Variants in CHN1 observed in about 807,000 individuals in gnomAD.
The protein encoded by CHN1 is N-chimaerin.
Under a neutral mutation model 59.5 loss-of-function variants are expected in CHN1, and 37 were observed. That is an observed-to-expected ratio of 0.62 (90% CI 0.48 to 0.82). CHN1 has a LOEUF of 0.82. CHN1 is among the 40% of genes least tolerant of loss of function. The probability of loss-of-function intolerance (pLI) is 0.00; values close to 1 mark genes in which losing one functional copy is unlikely to be tolerated. For missense variants in CHN1, 469 were observed against 571.0 expected, an observed-to-expected ratio of 0.82 and a Z score of 1.82; for synonymous variants, 206 against 200.4, an observed-to-expected ratio of 1.03 and a Z score of -0.24.
At chr2:174,810,305 T>C (rs773696549) in intron 10 of CHN1, among the ~76,000 whole-genome samples, 1 of 152,212 alleles carries the variant, frequency 6.6e-6, no homozygotes, top group Non-Finnish European at 1.5e-5. Flanking sequence ...TACACATCCT[T>C]GGGAGGCCAA....
At chr2:174,867,894 T>G (rs1041868529) in intron 6 of CHN1, among the ~76,000 whole-genome samples, 5 of 152,158 alleles carry the variant, frequency 3.3e-5, no homozygotes, top group African/African-American at 1.2e-4. Flanking sequence ...GGGTTAATTT[T>G]TATATTCTTA....
chr2:174,805,832 TCTC>T (rs55792181), intron 11 of CHN1, among the ~76,000 whole-genome samples: 50,252 of 151,848 alleles, frequency 0.33, 9,450 homozygotes, highest in Admixed American at 0.51. Context: ...ACTAACAAGT[TCTC>T]CTTCCCAGGC....
intron 10 of CHN1, among the ~76,000 whole-genome samples, chr2:174,810,543 T>G (rs1256873894): frequency 6.6e-6 from 1 of 152,200 alleles, no homozygotes; most frequent in Non-Finnish European, 1.5e-5. Context: ...ACATGCTCAG[T>G]TGCAGAGCTT....
Position 174,954,344 on chromosome 2 carries a change from G to C in CHN1, c.20-2142C>G, listed in dbSNP as rs544448817. Among the ~76,000 whole-genome samples, 12 of 152,222 alleles carry C rather than the reference G, an allele frequency of 7.9e-5. No homozygotes were observed. The South Asian group carries it at 2.3e-3, about 29-fold the overall frequency. ...AAGACCTGAAATCATAAAAATTCTA[G>C]AAGATAACATTGGAAAACCCCTTCT... On this transcript the variant is annotated intron_variant, in intron 1 of 12. Transcript: ENST00000409900.
At chr2:174,800,757 C>T (rs545666413) in intron 12 of CHN1, among the ~76,000 whole-genome samples, 3 of 152,288 alleles carry the variant, frequency 2.0e-5, no homozygotes, top group South Asian at 2.1e-4. Context: ...TAGGCACCAT[C>T]GTCAGGGAGG....
intron 5 of CHN1, among the ~76,000 whole-genome samples, chr2:174,900,443 A>G (rs1372349590): frequency 6.6e-6 from 1 of 152,058 alleles, no homozygotes; most frequent in African/African-American, 2.4e-5. Context: ...GTTCCAGGCT[A>G]CAGTGAGCTA....
chr2:174,897,508 G>A (rs1688253271), intron 5 of CHN1, among the ~76,000 whole-genome samples: 1 of 120,930 alleles, frequency 8.3e-6, no homozygotes, highest in African/African-American at 3.5e-5. Context: ...TCTATTGGCA[G>A]GATAGTTAAA....
chr2:174,816,259 G>A (rs1381499231), intron 8 of CHN1, among the ~76,000 whole-genome samples: 3 of 152,184 alleles, frequency 2.0e-5, no homozygotes, highest in Non-Finnish European at 1.5e-5. Context: ...CACAAGCTCA[G>A]CAAAGGAGGG....
chr2:174,818,500 T>C (rs1442018465), intron 8 of CHN1, among the ~76,000 whole-genome samples: 1 of 152,182 alleles, frequency 6.6e-6, no homozygotes, highest in African/African-American at 2.4e-5. Flanking sequence ...GTCATATAAC[T>C]CTTATATAGT....
At chr2:175,000,986 T>C (rs1047273465) in intron 1 of CHN1, among the ~76,000 whole-genome samples, 1 of 152,218 alleles carries the variant, frequency 6.6e-6, no homozygotes, top group Non-Finnish European at 1.5e-5. Context: ...GGCACAATCA[T>C]AGTGCAACTA....
intron 5 of CHN1, among the ~76,000 whole-genome samples, chr2:174,899,242 TAGAA>T (rs1182030939): frequency 6.6e-6 from 1 of 152,172 alleles, no homozygotes; most frequent in Non-Finnish European, 1.5e-5. Flanking sequence ...ACATATGAAT[TAGAA>T]AGAGTCACAG....
At chr2:174,832,720 C>T (rs891729056) in intron 7 of CHN1, among the ~76,000 whole-genome samples, 2 of 152,042 alleles carry the variant, frequency 1.3e-5, no homozygotes, top group Admixed American at 1.3e-4. Flanking sequence ...TCATGTGTCA[C>T]TTAATGATAG....
At chr2:174,906,679 A>T (rs1688553264) in intron 5 of CHN1, among the ~76,000 whole-genome samples, 1 of 152,186 alleles carries the variant, frequency 6.6e-6, no homozygotes, top group African/African-American at 2.4e-5. Context: ...AAAAGATGCA[A>T]TTTTATAATA....
chr2:175,002,967 T>C (rs1691937006), intron 1 of CHN1, among the ~76,000 whole-genome samples: 1 of 152,242 alleles, frequency 6.6e-6, no homozygotes, highest in Non-Finnish European at 1.5e-5. Flanking sequence ...CTATTTTGTA[T>C]TGGGCGAGTT....
At chr2:174,805,502 G>A (rs1684856021) in intron 11 of CHN1, among the ~76,000 whole-genome samples, 1 of 152,146 alleles carries the variant, frequency 6.6e-6, no homozygotes, top group East Asian at 1.9e-4. Flanking sequence ...CGGTGAAGTA[G>A]GAAGACAAAA....
Position 174,812,450 on chromosome 2 carries a change from T to A in CHN1, c.745A>T (p.Lys249Ter), listed in dbSNP as rs757445182. The change falls in exon 9 of 13, where the codon AAG becomes TAG. Residue 249 changes from lysine (K) to a stop codon, truncating the protein, a stop_gained. Coordinates refer to ENST00000409900, the MANE Select transcript of CHN1 (RefSeq NM_001822.7). LOFTEE classifies it high-confidence loss of function. ...CGLNVHKQCS[K>*]MVPNDCKPDL... ...GGCTTACAGTCATTTGGGACCATCT[T>A]GGAACACTGCTTATGAACATTCAAA... The A allele has an allele frequency of 1.9e-6, 3 of 1,613,884 alleles. No homozygotes were observed.
intron 7 of CHN1, among the ~76,000 whole-genome samples, chr2:174,839,745 A>G (rs1465983039): frequency 6.6e-6 from 1 of 152,074 alleles, no homozygotes; most frequent in African/African-American, 2.4e-5. Flanking sequence ...CTAGGACTAC[A>G]GGCATGTGCC....
At chr2:174,962,078 A>G (rs1034270444) in intron 1 of CHN1, among the ~76,000 whole-genome samples, 5 of 152,098 alleles carry the variant, frequency 3.3e-5, no homozygotes, top group African/African-American at 1.2e-4. Context: ...CGAGGTCAGG[A>G]GTTCAAGACC....
At chr2:174,942,482 G>C (rs1396252240) in intron 3 of CHN1, among the ~76,000 whole-genome samples, 1 of 152,090 alleles carries the variant, frequency 6.6e-6, no homozygotes, top group Non-Finnish European at 1.5e-5. Context: ...AGATGAGCAA[G>C]ACAGTGGTAT....
Sources: gnomAD v4.1 joint callset for allele counts (sites outside exome capture counted in the v4.1 genomes callset) on GRCh38, gnomAD v4.1.1 for gene constraint, MANE v1.5 for transcripts, NCBI Gene and HGNC (gene_info 2026-07-23, HGNC 2026-07-21) for gene names.